DEPTOR: variants seen among roughly 807,000 people sequenced by gnomAD.
DEPTOR encodes the protein DEP domain-containing mTOR-interacting protein.
In DEPTOR, 41 loss-of-function variants were observed where a neutral mutation model predicts 41.6. The observed-to-expected ratio is 0.98, with a 90% CI of 0.77 to 1.28. DEPTOR has a LOEUF of 1.28. DEPTOR is among the 50% of genes most tolerant of loss of function. The probability of loss-of-function intolerance (pLI) is 0.00; values close to 1 mark genes in which losing one functional copy is unlikely to be tolerated. For missense variants in DEPTOR, 514 were observed against 527.9 expected (o/e 0.97, Z 0.26); for synonymous variants, 195 against 192.3 (o/e 1.01, Z -0.12).
At chr8:119,948,937 G>GC (rs1350518250) in intron 3 of DEPTOR, among the ~76,000 whole-genome samples, 2 of 151,966 alleles carry the variant, frequency 1.3e-5, no homozygotes, top group African/African-American at 4.8e-5. Flanking sequence ...ACAGACATGC[G>GC]CCACCACACA....
chr8:120,006,525 T>TA (rs758625300), intron 6 of DEPTOR, among the ~76,000 whole-genome samples: 174 of 142,318 alleles, frequency 1.2e-3, no homozygotes, highest in Middle Eastern at 3.5e-3. Context: ...ACTCCGTCTT[T>TA]AAAAAAAAAA....
intron 8 of DEPTOR, among the ~76,000 whole-genome samples, chr8:120,028,562 G>A (rs1319375707): frequency 6.9e-6 from 1 of 145,948 alleles, no homozygotes; most frequent in Non-Finnish European, 1.5e-5. Context: ...AGTGAATCAA[G>A]CAATTCTCCT....
At chr8:119,979,954 C>T (rs1013118515) in intron 4 of DEPTOR, among the ~76,000 whole-genome samples, 1 of 152,080 alleles carries the variant, frequency 6.6e-6, no homozygotes, top group Non-Finnish European at 1.5e-5. Flanking sequence ...AACTCTTGAT[C>T]ATTTGCTTGT....
intron 1 of DEPTOR, among the ~76,000 whole-genome samples, chr8:119,892,584 G>A (rs1256626255): frequency 2.0e-5 from 3 of 152,170 alleles, no homozygotes; most frequent in Non-Finnish European, 4.4e-5. Flanking sequence ...ACTGTGATAT[G>A]AAAAGCATGA....
chr8:119,895,112 A>G (rs181005647), intron 1 of DEPTOR, among the ~76,000 whole-genome samples: 14 of 152,352 alleles, frequency 9.2e-5, no homozygotes, highest in African/African-American at 1.7e-4. Flanking sequence ...AGGTGATTGC[A>G]GGCCTGTCTC....
Position 119,965,360 on chromosome 8 carries a change from AG to A in DEPTOR, c.556del (p.Ala186GlnfsTer34). 6.2e-7 allele frequency: 1 copy of A among 1,614,096 alleles called. No individual in the cohort carries two copies. The highest frequency in any genetic ancestry group is 8.5e-7 in the Non-Finnish European group (1 of 1,180,012). ...GAAGGTGAGGCCACCACGAGGAAAG[AG>A]GCAGAGCAGCTTTGCCACCGGCTTA... ...VQEGEATTRK[E>X]AEQLCHRLME... On this transcript the variant is annotated frameshift_variant, in exon 4 of 9. Coordinates refer to ENST00000286234, the MANE Select transcript of DEPTOR (RefSeq NM_022783.4). LOFTEE classifies it high-confidence loss of function.
intron 1 of DEPTOR, among the ~76,000 whole-genome samples, chr8:119,907,009 G>A (rs1463363178): frequency 6.6e-6 from 1 of 152,144 alleles, no homozygotes; most frequent in Non-Finnish European, 1.5e-5. Flanking sequence ...CCTTGTATAA[G>A]CAGGCGAAGA....
chr8:119,965,180 C>A, intron 3 of DEPTOR, 52 bp from the exon 4 acceptor site: 1 of 1,535,166 alleles, frequency 6.5e-7, no homozygotes, highest in South Asian at 1.3e-5. Context: ...TTCAAATGAG[C>A]TGTTTTCCTT....
intron 8 of DEPTOR, among the ~76,000 whole-genome samples, chr8:120,013,949 C>T (rs1249967192): frequency 6.6e-6 from 1 of 151,732 alleles, no homozygotes; most frequent in Non-Finnish European, 1.5e-5. Flanking sequence ...AAGCGATTCT[C>T]CTGCCTCAGC....
chr8:119,993,889 G>T (rs895557722), intron 4 of DEPTOR, among the ~76,000 whole-genome samples: 3 of 152,044 alleles, frequency 2.0e-5, no homozygotes, highest in African/African-American at 7.2e-5. Flanking sequence ...GGGTGCGGTG[G>T]CTCACACCTG....
At chr8:119,975,822 C>T (rs553723288) in intron 4 of DEPTOR, among the ~76,000 whole-genome samples, 1 of 151,622 alleles carries the variant, frequency 6.6e-6, no homozygotes, top group East Asian at 1.9e-4. Flanking sequence ...TGCCCACCCG[C>T]CCTTCCTCTC....
intron 4 of DEPTOR, among the ~76,000 whole-genome samples, chr8:119,991,052 T>C (rs1812155265): frequency 6.8e-5 from 2 of 29,494 alleles, no homozygotes; most frequent in Non-Finnish European, 1.4e-4. Context: ...CTTTCTTTCT[T>C]TCTTTCTTTC....
intron 1 of DEPTOR, among the ~76,000 whole-genome samples, chr8:119,890,296 T>TTTGG (rs1554671062): frequency 6.6e-6 from 1 of 150,520 alleles, no homozygotes; most frequent in Non-Finnish European, 1.5e-5. Flanking sequence ...TGTTTGTTTG[T>TTTGG]TTGTTGTTGT....
At chr8:119,894,395 T>C (rs1260370391) in intron 1 of DEPTOR, among the ~76,000 whole-genome samples, 1 of 150,008 alleles carries the variant, frequency 6.7e-6, no homozygotes, top group Admixed American at 6.7e-5. Context: ...TTTATTTATT[T>C]ATTTATTTAT....
intron 8 of DEPTOR, among the ~76,000 whole-genome samples, chr8:120,024,466 A>ATCTGAC (rs1276681444): frequency 3.3e-5 from 5 of 152,300 alleles, no homozygotes; most frequent in Non-Finnish European, 7.3e-5. Context: ...CTCTTTGGAA[A>ATCTGAC]TAGGGGCCTT....
At position 119,873,856 on chromosome 8, in the gene DEPTOR, G is replaced by A. The variant is rs1586591808; in HGVS notation, c.10G>A (p.Gly4Ser). The change falls in exon 1 of 9, where the codon GGC (glycine) becomes AGC (serine). Residue 4 changes from glycine (G) to serine (S), a missense_variant. Transcript: ENST00000286234. ...GCACGGCCCTAAAACCATGGAGGAGGGCGGCAGCACTGGCAGTGCTGGCAG... is the reference window on the plus strand; with the variant it reads ...GCACGGCCCTAAAACCATGGAGGAGAGCGGCAGCACTGGCAGTGCTGGCAG... Reference protein sequence around the residue: MEEGGSTGSAGSDS... With the variant: MEESGSTGSAGSDS... The A allele has an allele frequency of 6.2e-6, 10 of 1,613,286 alleles. No homozygotes were observed. In the East Asian group the frequency reaches 1.8e-4, roughly 29 times the overall value.
chr8:119,941,486 G>A (rs1311050676), intron 3 of DEPTOR, among the ~76,000 whole-genome samples: 1 of 151,956 alleles, frequency 6.6e-6, no homozygotes, highest in Non-Finnish European at 1.5e-5. Context: ...AAAAGGCAGG[G>A]AGTGGGGAAC....
At chr8:120,016,139 A>G (rs1171328891) in intron 8 of DEPTOR, among the ~76,000 whole-genome samples, 1 of 152,244 alleles carries the variant, frequency 6.6e-6, no homozygotes, top group South Asian at 2.1e-4. Flanking sequence ...TTCAACAATG[A>G]TATAGTACAG....
At chr8:119,948,032 TTTC>T (rs2129916793) in intron 3 of DEPTOR, among the ~76,000 whole-genome samples, 1 of 152,276 alleles carries the variant, frequency 6.6e-6, no homozygotes, top group East Asian at 1.9e-4. Context: ...CCAACTTCCA[TTTC>T]TTCTTAACTT....
Sources: gnomAD v4.1 joint callset for allele counts (sites outside exome capture counted in the v4.1 genomes callset) on GRCh38, gnomAD v4.1.1 for gene constraint, MANE v1.5 for transcripts, NCBI Gene and HGNC (gene_info 2026-07-23, HGNC 2026-07-21) for gene names.